Variants in CD302 observed in about 807,000 individuals in gnomAD.
CD302 encodes CD302 antigen.
In CD302, 23 loss-of-function variants were observed where a neutral mutation model predicts 26.5. The observed-to-expected ratio is 0.87, with a 90% CI of 0.62 to 1.23. The LOEUF is 1.23. Among genes scored for constraint, CD302 ranks in the 50% most tolerant of loss-of-function variants. The pLI is 0.00. For missense variants in CD302, 290 were observed against 275.5 expected, an observed-to-expected ratio of 1.05 and a Z score of -0.37; for synonymous variants, 90 against 99.4, an observed-to-expected ratio of 0.91 and a Z score of 0.56.
At chr2:159,793,395 CTGT>C (rs1008463316) in intron 1 of CD302, among the ~76,000 whole-genome samples, 63 of 151,894 alleles carry the variant, frequency 4.1e-4, no homozygotes, top group African/African-American at 1.4e-3. Context: ...ATAGAACTCT[CTGT>C]TCCTTTATAA....
Position 159,771,910 on chromosome 2 carries a change from T to G in CD302, c.640A>C (p.Asn214His), listed in dbSNP as rs748348850. 6.2e-7 allele frequency: 1 copy of G among 1,613,906 alleles called. No homozygotes were observed. Among genetic ancestry groups the G allele is most frequent in the Non-Finnish European group, 8.5e-7 (1 of 1,179,934 alleles). ...CCAACTACCAAAACACAGTCTTCAT[T>G]ATAAGGTGATTGGGGTGCGGTTGAA... ...VFSTAPQSPY[N>H]EDCVLVVGEE... Residue 214 changes from asparagine to histidine, a missense_variant, in exon 6 of 6, where the codon AAT (asparagine) becomes CAT (histidine). Coordinates refer to ENST00000259053, the MANE Select transcript of CD302 (RefSeq NM_014880.5).
chr2:159,774,250 G>A (rs1708244385), intron 5 of CD302, among the ~76,000 whole-genome samples: 1 of 152,112 alleles, frequency 6.6e-6, no homozygotes, highest in African/African-American at 2.4e-5. Flanking sequence ...AAATATGTGT[G>A]TGTAGCCCTA....
At chr2:159,778,284 TG>T (rs1468436984) in intron 4 of CD302, among the ~76,000 whole-genome samples, 1 of 152,128 alleles carries the variant, frequency 6.6e-6, no homozygotes, top group East Asian at 1.9e-4. Context: ...AGAAAACAAA[TG>T]TCATAAAATT....
intron 1 of CD302, among the ~76,000 whole-genome samples, chr2:159,784,963 C>T (rs1201335673): frequency 7.0e-6 from 1 of 142,578 alleles, no homozygotes; most frequent in African/African-American, 2.6e-5. Context: ...CTCCCTGTAT[C>T]CGTACAGACT....
intron 1 of CD302, among the ~76,000 whole-genome samples, chr2:159,785,805 C>A (rs1484276457): frequency 6.6e-6 from 1 of 152,212 alleles, no homozygotes; most frequent in African/African-American, 2.4e-5. Context: ...TCCAAGACAT[C>A]CCCACTAGAA....
chr2:159,795,937 T>A (rs1196356987), intron 1 of CD302, among the ~76,000 whole-genome samples: 3 of 152,228 alleles, frequency 2.0e-5, no homozygotes, highest in Non-Finnish European at 4.4e-5. Flanking sequence ...AATAAATACA[T>A]ACTGATCATC....
At chr2:159,787,592 A>C (rs912878024) in intron 1 of CD302, among the ~76,000 whole-genome samples, 1 of 152,138 alleles carries the variant, frequency 6.6e-6, no homozygotes, top group South Asian at 2.1e-4. Context: ...AGAAACATAC[A>C]ATATTTTAAT....
chr2:159,794,791 A>G (rs915791748), intron 1 of CD302, among the ~76,000 whole-genome samples: 4 of 149,678 alleles, frequency 2.7e-5, no homozygotes, highest in African/African-American at 4.9e-5. Context: ...CTCGTGATCC[A>G]CCCGCCTCGG....
At chr2:159,779,308 A>G (rs1297122486) in intron 4 of CD302, among the ~76,000 whole-genome samples, 1 of 150,442 alleles carries the variant, frequency 6.6e-6, no homozygotes, top group South Asian at 2.1e-4. Flanking sequence ...ATTATAAACT[A>G]TGATGTAGTT....
At chr2:159,779,872 G>T in intron 4 of CD302, 133 bp downstream of exon 4, 1 of 1,035,786 alleles carries the variant, frequency 9.7e-7, no homozygotes, top group Non-Finnish European at 1.3e-6. Context: ...CATAATGCTG[G>T]GATTGCAGGC....
At chr2:159,776,012 C>CTTTTTTTTTTTTT (rs71406197) in intron 5 of CD302, among the ~76,000 whole-genome samples, 16,571 of 80,434 alleles carry the variant, frequency 0.21, 4,556 homozygotes, top group Middle Eastern at 0.34. Flanking sequence ...CGGGTTTCAA[C>CTTTTTTTTTTTTT]TTTTTTTTTT....
intron 1 of CD302, among the ~76,000 whole-genome samples, chr2:159,786,616 G>T (rs10084194): frequency 1.3e-5 from 2 of 152,020 alleles, no homozygotes; most frequent in African/African-American, 4.8e-5. Context: ...TTACAGGCAT[G>T]AGCCACTGCG....
rs769579290 is a variant in CD302 at position 159,777,990 on chromosome 2, T to C, written c.470-26A>G. 5 of 895,144 alleles carry C rather than the reference T, an allele frequency of 5.6e-6. No homozygotes were observed. The South Asian group carries it at 6.7e-5, about 12-fold the overall frequency. 55.5% of individuals were successfully genotyped at this position (895,144 alleles called of 1,614,324 possible). A position where few individuals can be genotyped will look rare whatever the true frequency, so the allele number is the denominator to read the frequency against. On this transcript the variant is annotated intron_variant, in intron 4 of 5. Transcript: ENST00000259053. ...CTAAAATACAAAAGAAAATAAAAAT[T>C]AGAATTTAATTATGCTTTATTATAG... is the stretch of plus-strand genomic sequence containing the variant.
At chr2:159,776,870 T>TAAGTTTTGTATTATTTAGCCCGGCC in intron 5 of CD302, among the ~76,000 whole-genome samples, 2 of 152,128 alleles carry the variant, frequency 1.3e-5, no homozygotes, top group Non-Finnish European at 2.9e-5. Context: ...CGTGCCCGGC[T>TAAGTTTTGTATTATTTAGCCCGGCC]AAGTTTTGTA....
In CD302 at chr2:159,770,786, A is replaced by G. The variant is rs892763706; in HGVS notation, c.*1065T>C. On this transcript the variant is annotated 3_prime_UTR_variant, in exon 6 of 6. Coordinates refer to ENST00000259053, the MANE Select transcript of CD302 (RefSeq NM_014880.5). Reference sequence around the variant, plus strand: ...AGGCTCTACCATCTGGGTTTGTGTAAATACAAGCTGATTTTCACACAAGAT... The same window carrying G: ...AGGCTCTACCATCTGGGTTTGTGTAGATACAAGCTGATTTTCACACAAGAT... 1.3e-5 allele frequency: 2 copies of G among 152,154 alleles called. No homozygotes were observed. Among genetic ancestry groups the G allele is most frequent in the African/African-American group, 4.8e-5 (2 of 41,442 alleles). 9.4% of individuals were successfully genotyped at this position (152,154 alleles called of 1,614,324 possible). A position where few individuals can be genotyped will look rare whatever the true frequency, so the allele number is the denominator to read the frequency against.
intron 1 of CD302, among the ~76,000 whole-genome samples, chr2:159,783,712 T>C (rs768327507): frequency 6.6e-6 from 1 of 152,116 alleles, no homozygotes; most frequent in African/African-American, 2.4e-5. Context: ...AAGATACAAG[T>C]TTTTAGGTTG....
intron 1 of CD302, among the ~76,000 whole-genome samples, chr2:159,792,208 A>G (rs2125814336): frequency 6.6e-6 from 1 of 152,134 alleles, no homozygotes; most frequent in Non-Finnish European, 1.5e-5. Flanking sequence ...AGGACACCAC[A>G]GTTCCTCACC....
rs558699415 is a variant in CD302 at position 159,786,044 on chromosome 2, C to T, written c.68-2575G>A. Among the ~76,000 whole-genome samples the T allele has an allele frequency of 2.2e-4, 33 of 152,258 alleles. No homozygotes were observed. The South Asian group carries it at 6.6e-3, about 31-fold the overall frequency. ...TGCAAACCTGCACAGCACAGTGTCT[C>T]GTACAAGGAAAGTATTAAAAATATG... On this transcript the variant is annotated intron_variant, in intron 1 of 5. Transcript: ENST00000259053.
At chr2:159,774,903 C>G (rs61159772) in intron 5 of CD302, among the ~76,000 whole-genome samples, 11,322 of 152,232 alleles carry the variant, frequency 0.074, 868 homozygotes, top group African/African-American at 0.19. Flanking sequence ...TGCTTCAACT[C>G]CATGTTCTCT....
Sources: gnomAD v4.1 joint callset for allele counts (sites outside exome capture counted in the v4.1 genomes callset) on GRCh38, gnomAD v4.1.1 for gene constraint, MANE v1.5 for transcripts, NCBI Gene and HGNC (gene_info 2026-07-23, HGNC 2026-07-21) for gene names.